Variants in GRAMD1C observed in about 807,000 individuals in gnomAD.
GRAMD1C encodes the protein GRAM domain containing 1C, also known as protein Aster-C.
Under a neutral mutation model 97.8 loss-of-function variants are expected in GRAMD1C, and 89 were observed. The ratio of observed to expected loss-of-function variants is 0.91; its 90% CI spans 0.77 to 1.09. The LOEUF is 1.09. Ranked by LOEUF, GRAMD1C falls within the 50% of genes least tolerant of loss-of-function variation. The pLI is 0.00. For missense variants in GRAMD1C, 740 were observed against 766.4 expected (o/e 0.97, Z 0.41); for synonymous variants, 256 against 267.0 (o/e 0.96, Z 0.40).
intron 1 of GRAMD1C, among the ~76,000 whole-genome samples, chr3:113,830,872 G>A (rs1429111214): frequency 6.6e-6 from 1 of 152,190 alleles, no homozygotes; most frequent in East Asian, 1.9e-4. Flanking sequence ...GCCAAGGCGG[G>A]TGGGTCACCT....
At chr3:113,919,058 T>A (rs566930981) in intron 10 of GRAMD1C, among the ~76,000 whole-genome samples, 103 of 152,348 alleles carry the variant, frequency 6.8e-4, no homozygotes, top group Non-Finnish European at 8.1e-4. Flanking sequence ...ATGATTTTTT[T>A]AAATAATCAA....
At chr3:113,906,192 A>G (rs1236109080) in intron 8 of GRAMD1C, among the ~76,000 whole-genome samples, 1 of 152,214 alleles carries the variant, frequency 6.6e-6, no homozygotes, top group Non-Finnish European at 1.5e-5. Context: ...ATAAATCATT[A>G]TTTTAGAGTA....
In GRAMD1C at chr3:113,944,115, T is replaced by C. The variant is rs182613785; in HGVS notation, c.1909-1283T>C. The stretch of plus-strand genomic sequence containing the variant: ...GTCCATTTGTGCTACTATAACAAAA[T>C]CCTGGAGACTGGGTAATTTATAAAG... On this transcript the variant is annotated intron_variant, in intron 17 of 17. Transcript: ENST00000358160. 7.2e-4 allele frequency among the ~76,000 whole-genome samples: 110 copies of C among 152,218 alleles called. 3 individuals carry two copies. In the South Asian group the frequency reaches 0.014, roughly 20 times the overall value.
chr3:113,929,092 G>T (rs1389689331), intron 10 of GRAMD1C, among the ~76,000 whole-genome samples: 2 of 152,128 alleles, frequency 1.3e-5, no homozygotes, highest in Non-Finnish European at 2.9e-5. Flanking sequence ...CACAAGCAAT[G>T]TACAAAGTTT....
At chr3:113,893,588 C>A (rs1052277559) in intron 6 of GRAMD1C, among the ~76,000 whole-genome samples, 4 of 152,198 alleles carry the variant, frequency 2.6e-5, no homozygotes, top group Admixed American at 2.0e-4. Context: ...CCCTTGAAGA[C>A]AAGGACCATG....
chr3:113,907,410 G>A (rs1936409367), intron 8 of GRAMD1C, among the ~76,000 whole-genome samples: 1 of 152,132 alleles, frequency 6.6e-6, no homozygotes, highest in African/African-American at 2.4e-5. Flanking sequence ...CTGGTGCAAG[G>A]GAAGTGAATA....
intron 1 of GRAMD1C, chr3:113,828,296 A>G (rs1369866237): frequency 6.6e-6 from 1 of 152,284 alleles, no homozygotes; most frequent in East Asian, 1.9e-4. Context: ...GAGACACCAT[A>G]GAAGTGGATC....
chr3:113,919,232 T>C (rs1048390283), intron 10 of GRAMD1C: 2 of 380,518 alleles, frequency 5.3e-6, no homozygotes, highest in Non-Finnish European at 1.0e-5. Context: ...ATGAGTTTTC[T>C]TGAAGGCTTT....
chr3:113,834,918 G>T (rs1709613669), upstream of GRAMD1C, among the ~76,000 whole-genome samples: 1 of 136,162 alleles, frequency 7.3e-6, no homozygotes, highest in Non-Finnish European at 1.5e-5. Context: ...CTAGCCTGGT[G>T]ACAAAAGTGA....
intron 10 of GRAMD1C, among the ~76,000 whole-genome samples, chr3:113,917,856 CTTTTTTT>C (rs71144097): frequency 2.4e-5 from 1 of 41,868 alleles, no homozygotes; most frequent in Non-Finnish European, 4.1e-5. Context: ...CCATGCTTGG[CTTTTTTT>C]TTTTTTTTTT....
At chr3:113,850,015 G>A (rs1173253609) in intron 2 of GRAMD1C, among the ~76,000 whole-genome samples, 87 of 139,944 alleles carry the variant, frequency 6.2e-4, no homozygotes, top group African/African-American at 2.2e-3. Context: ...CTGGCCGGGC[G>A]GGGGGCTGAC....
rs1938055070 is a variant in GRAMD1C, at chr3:113,946,019, C to CA, written c.*544dup. On this transcript the variant is annotated 3_prime_UTR_variant, in exon 18 of 18. Coordinates refer to ENST00000358160, the MANE Select transcript of GRAMD1C (RefSeq NM_017577.5). Reference sequence around the variant, plus strand: ...TTATTTAGCATGCAAATTTAATAGTCAAACTTTTTGAATCTGCATGTTGAT... The same window carrying CA: ...TTATTTAGCATGCAAATTTAATAGTCAAAACTTTTTGAATCTGCATGTTGAT... 1 of 152,240 alleles carries CA rather than the reference C, an allele frequency of 6.6e-6. No homozygotes were observed. The highest frequency in any genetic ancestry group is 1.5e-5 in the Non-Finnish European group (1 of 68,016). The allele number at this position is 152,240 out of a possible 1,614,324, so 9.4% of individuals were successfully genotyped here. A position where few individuals can be genotyped will look rare whatever the true frequency, so the allele number is the denominator to read the frequency against.
chr3:113,884,890 G>A (rs1395671748), intron 6 of GRAMD1C, among the ~76,000 whole-genome samples: 2 of 145,018 alleles, frequency 1.4e-5, no homozygotes, highest in African/African-American at 2.5e-5. Context: ...ACCACTCTCC[G>A]CTTTCCCCCC....
chr3:113,856,535 GTATGTATGTATT>G (rs1577130841), intron 2 of GRAMD1C, among the ~76,000 whole-genome samples: 1 of 151,680 alleles, frequency 6.6e-6, no homozygotes, highest in African/African-American at 2.4e-5. Flanking sequence ...ATGTATGTAT[GTATGTATGTATT>G]TATTTATTTA....
At chr3:113,861,123 C>T (rs984185100) in intron 2 of GRAMD1C, among the ~76,000 whole-genome samples, 3 of 151,968 alleles carry the variant, frequency 2.0e-5, no homozygotes, top group Admixed American at 6.6e-5. Context: ...ACAAATGATA[C>T]AACTAGATAT....
intron 6 of GRAMD1C, chr3:113,885,254 G>T: frequency 8.4e-7 from 1 of 1,193,730 alleles, no homozygotes; most frequent in South Asian, 1.3e-5. Flanking sequence ...TGGCGGAGCT[G>T]GGCCGTGGGG....
In GRAMD1C at chr3:113,856,937, T is replaced by G. The variant is rs1362557112; in HGVS notation, c.174+12288T>G. ...TCACTGCAACCTCCATCTCCTGTGC[T>G]CAGAGATCCTCATGCCTCAGCCTCC... On this transcript the variant is annotated intron_variant, in intron 2 of 17. Coordinates refer to ENST00000358160, the MANE Select transcript of GRAMD1C (RefSeq NM_017577.5). Among the ~76,000 whole-genome samples the G allele has an allele frequency of 2.0e-5, 3 of 151,712 alleles. No homozygotes were observed. In the South Asian group the frequency reaches 6.3e-4, roughly 32 times the overall value.
At chr3:113,865,514 A>G (rs1352084060) in intron 2 of GRAMD1C, among the ~76,000 whole-genome samples, 1 of 152,210 alleles carries the variant, frequency 6.6e-6, no homozygotes, top group Non-Finnish European at 1.5e-5. Context: ...ACATATATAA[A>G]TATGCACAAA....
intron 9 of GRAMD1C, among the ~76,000 whole-genome samples, chr3:113,913,378 A>G (rs1309929030): frequency 1.4e-5 from 2 of 141,074 alleles, no homozygotes; most frequent in Non-Finnish European, 1.5e-5. Context: ...TACAAAAATT[A>G]GCTGGGTGTG....
Sources: allele counts gnomAD v4.1 joint callset (sites outside exome capture counted in the v4.1 genomes callset), GRCh38; gene constraint gnomAD v4.1.1; transcripts MANE v1.5; gene names NCBI Gene and HGNC (gene_info 2026-07-23, HGNC 2026-07-21).